Variants in ZBTB7C observed in about 807,000 individuals in gnomAD.
The protein encoded by ZBTB7C is zinc finger and BTB domain containing 7C.
ZBTB7C carries 8 observed loss-of-function variants against 25.7 expected under a neutral mutation model. The ratio of observed to expected loss-of-function variants is 0.31; its 90% CI spans 0.18 to 0.56. The LOEUF (loss-of-function observed/expected upper bound fraction) is 0.56, where lower values mean the gene tolerates loss of function less well. ZBTB7C is among the 20% of genes least tolerant of loss of function. The pLI is 0.91. For missense variants in ZBTB7C, 824 were observed against 855.2 expected (o/e 0.96, Z 0.46); for synonymous variants, 394 against 369.0 (o/e 1.07, Z -0.78).
At chr18:48,295,847 G>C (rs557260924) in intron 2 of ZBTB7C, among the ~76,000 whole-genome samples, 1 of 152,112 alleles carries the variant, frequency 6.6e-6, no homozygotes. Flanking sequence ...AGTCGCAGGC[G>C]AGTGGGGAAG....
intron 3 of ZBTB7C, among the ~76,000 whole-genome samples, chr18:48,097,585 C>T (rs2038684758): frequency 6.6e-6 from 1 of 151,988 alleles, no homozygotes; most frequent in Non-Finnish European, 1.5e-5. Flanking sequence ...TTAGTAGACA[C>T]GGGGTTTCAC....
At chr18:48,339,743 C>T (rs2046548702) in intron 1 of ZBTB7C, among the ~76,000 whole-genome samples, 2 of 152,204 alleles carry the variant, frequency 1.3e-5, no homozygotes, top group South Asian at 2.1e-4. Flanking sequence ...AACAATCATG[C>T]CTTTGGATTC....
chr18:48,330,029 C>G (rs2046308837), intron 2 of ZBTB7C, among the ~76,000 whole-genome samples: 2 of 152,208 alleles, frequency 1.3e-5, no homozygotes, highest in Non-Finnish European at 2.9e-5. Flanking sequence ...GAGCTCAAAG[C>G]TGAGGTTCTG....
intron 3 of ZBTB7C, among the ~76,000 whole-genome samples, chr18:48,101,269 T>A (rs1407726653): frequency 2.0e-5 from 3 of 152,236 alleles, no homozygotes; most frequent in Non-Finnish European, 4.4e-5. Flanking sequence ...CATTGTATGC[T>A]CCTTTTTATT....
chr18:48,060,010 G>C (rs1023484588), intron 3 of ZBTB7C, among the ~76,000 whole-genome samples: 1 of 152,166 alleles, frequency 6.6e-6, no homozygotes, highest in Admixed American at 6.5e-5. Context: ...TTGAAGGGAG[G>C]AGGAGAGCCC....
At chr18:48,198,708 G>C (rs1025753672) in intron 2 of ZBTB7C, among the ~76,000 whole-genome samples, 1 of 152,088 alleles carries the variant, frequency 6.6e-6, no homozygotes, top group African/African-American at 2.4e-5. Context: ...CACCCAGAGC[G>C]ATCTCCCCAT....
chr18:48,076,932 T>C (rs928430767), intron 3 of ZBTB7C: 2 of 985,288 alleles, frequency 2.0e-6, no homozygotes, highest in Non-Finnish European at 2.4e-6. Context: ...AAATAAGTAC[T>C]AACCTGGCTT....
chr18:48,030,607 A>G (rs1417028497), intron 4 of ZBTB7C, among the ~76,000 whole-genome samples: 1 of 152,228 alleles, frequency 6.6e-6, no homozygotes, highest in Non-Finnish European at 1.5e-5. Context: ...AAGTGGTATT[A>G]TTCACAGGTA....
intron 2 of ZBTB7C, among the ~76,000 whole-genome samples, chr18:48,290,762 A>G (rs1158099014): frequency 6.6e-6 from 1 of 152,148 alleles, no homozygotes; most frequent in Non-Finnish European, 1.5e-5. Flanking sequence ...CCCTCCCACT[A>G]TGCTTAGGTG....
At chr18:48,134,066 T>TGATC (rs1231680495) in intron 3 of ZBTB7C, among the ~76,000 whole-genome samples, 2 of 151,228 alleles carry the variant, frequency 1.3e-5, no homozygotes, top group Admixed American at 6.6e-5. Flanking sequence ...GTATGCAATA[T>TGATC]GATCTTGTGA....
At chr18:48,118,676 C>T (rs545988768) in intron 3 of ZBTB7C, among the ~76,000 whole-genome samples, 2 of 152,048 alleles carry the variant, frequency 1.3e-5, no homozygotes, top group African/African-American at 2.4e-5. Context: ...GGTACATTAG[C>T]GTGAGTGAAT....
intron 1 of ZBTB7C, among the ~76,000 whole-genome samples, chr18:48,359,583 G>A (rs767867425): frequency 9.9e-5 from 15 of 152,178 alleles, no homozygotes; most frequent in Non-Finnish European, 1.5e-4. Context: ...TCAAGCATAC[G>A]AAAGGAGGCC....
chr18:48,261,727 G>C (rs763087810), intron 2 of ZBTB7C, among the ~76,000 whole-genome samples: 1 of 152,134 alleles, frequency 6.6e-6, no homozygotes, highest in Non-Finnish European at 1.5e-5. Flanking sequence ...TGCTTCTTAC[G>C]AAGCAAGTGC....
chr18:48,386,508 G>A (rs114468554), intron 1 of ZBTB7C, among the ~76,000 whole-genome samples: 1 of 152,282 alleles, frequency 6.6e-6, no homozygotes, highest in African/African-American at 2.4e-5. Context: ...GAAGAGACTG[G>A]GTTTACCCAC....
At chr18:48,059,873 C>T (rs571472135) in intron 3 of ZBTB7C, among the ~76,000 whole-genome samples, 4 of 152,106 alleles carry the variant, frequency 2.6e-5, no homozygotes, top group East Asian at 1.9e-4. Flanking sequence ...AGAGGTCCAT[C>T]CCCCCACCCG....
chr18:48,347,117 T>TTTGC (rs2046751041), intron 1 of ZBTB7C, among the ~76,000 whole-genome samples: 1 of 145,032 alleles, frequency 6.9e-6, no homozygotes, highest in Non-Finnish European at 1.5e-5. Context: ...ATTCCCAGTT[T>TTTGC]TTGTTTGTTT....
At chr18:48,081,295 C>T (rs116738551) in intron 3 of ZBTB7C, among the ~76,000 whole-genome samples, 251 of 152,246 alleles carry the variant, frequency 1.6e-3, no homozygotes, top group African/African-American at 5.8e-3. Flanking sequence ...CGAGTCTGCA[C>T]CTTGCACTCA....
At chr18:48,393,419 C>T (rs1003602609) in intron 1 of ZBTB7C, among the ~76,000 whole-genome samples, 1 of 152,106 alleles carries the variant, frequency 6.6e-6, no homozygotes, top group Non-Finnish European at 1.5e-5. Context: ...GCCTCACCAA[C>T]ACCCTCTCTC....
intron 3 of ZBTB7C, among the ~76,000 whole-genome samples, chr18:48,053,979 C>T (rs1003290910): frequency 5.3e-5 from 8 of 152,268 alleles, no homozygotes; most frequent in African/African-American, 1.9e-4. Flanking sequence ...CGAAGGCATG[C>T]GCAGAGGCTG....
Sources: gnomAD v4.1 joint callset for allele counts (sites outside exome capture counted in the v4.1 genomes callset) on GRCh38, gnomAD v4.1.1 for gene constraint, MANE v1.5 for transcripts, NCBI Gene and HGNC (gene_info 2026-07-23, HGNC 2026-07-21) for gene names.